The following TMEM273 variants were observed in gnomAD, a reference collection of about 807,000 sequenced individuals.
The protein encoded by TMEM273 is transmembrane protein 273.
In TMEM273, 19 loss-of-function variants were observed where a neutral mutation model predicts 17.9. That is an observed-to-expected ratio of 1.06 (90% confidence interval 0.74 to 1.55). The LOEUF (loss-of-function observed/expected upper bound fraction) is 1.55. TMEM273 is among the 40% of genes most tolerant of loss of function. The pLI, the probability that TMEM273 is intolerant of heterozygous loss-of-function variation, is 0.00. For synonymous variants in TMEM273, 66 were observed against 62.0 expected (o/e 1.07, Z -0.31); for missense variants, 194 against 155.6 (o/e 1.25, Z -1.31).
Position 49,155,873 on chromosome 10 carries a change from G to T in TMEM273, c.*19C>A. The T allele has an allele frequency of 1.2e-6, 2 of 1,614,128 alleles. No homozygotes were observed. Among genetic ancestry groups the T allele is most frequent in the Non-Finnish European group, 1.7e-6 (2 of 1,180,018 alleles). ...CCACGGGGCTAGAACCCCTCTTCAC[G>T]TCACTGCTCACCTACAGCTCAATCA... On this transcript the variant is annotated 3_prime_UTR_variant, in exon 7 of 7. Coordinates refer to ENST00000374153, the MANE Select transcript of TMEM273 (RefSeq NM_001288740.3).
intron 1 of TMEM273, among the ~76,000 whole-genome samples, chr10:49,181,870 G>A (rs867042139): frequency 1.1e-4 from 16 of 152,056 alleles, no homozygotes; most frequent in South Asian, 4.1e-4. Context: ...ATTTTTGTTC[G>A]TAAAAGACCC....
At chr10:49,157,961 C>G (rs575129227) in intron 6 of TMEM273, among the ~76,000 whole-genome samples, 1 of 152,100 alleles carries the variant, frequency 6.6e-6, no homozygotes, top group African/African-American at 2.4e-5. Flanking sequence ...AGAATAAAAG[C>G]ATTCAACAAG....
chr10:49,163,795 C>T (rs1421037046), intron 5 of TMEM273, among the ~76,000 whole-genome samples: 2 of 152,204 alleles, frequency 1.3e-5, no homozygotes, highest in South Asian at 2.1e-4. Flanking sequence ...AATCAGAAAC[C>T]ACTGCTGAAA....
At chr10:49,168,442 C>G (rs375847210) in intron 1 of TMEM273, among the ~76,000 whole-genome samples, 2 of 152,128 alleles carry the variant, frequency 1.3e-5, no homozygotes, top group Non-Finnish European at 2.9e-5. Context: ...CAGTGTGCTC[C>G]GTAGCCGTGG....
chr10:49,154,900 CTT>C lies in TMEM273; in HGVS notation c.*990_*991del, dbSNP rs1564613715. 6.6e-6 allele frequency: 1 copy of C among 152,228 alleles called. No homozygotes were observed. Among genetic ancestry groups the C allele is most frequent in the South Asian group, 2.1e-4 (1 of 4,836 alleles). The allele number at this position is 152,228 out of a possible 1,614,324, so 9.4% of individuals were successfully genotyped here. A position where few individuals can be genotyped will look rare whatever the true frequency, so the allele number is the denominator to read the frequency against. ...CCAGGCAAATCATGACAACACAGCA[CTT>C]TGTTCTGAAATATAGCTCATCTTTC... On this transcript the variant is annotated 3_prime_UTR_variant, in exon 7 of 7. Transcript: ENST00000374153.
chr10:49,178,143 C>T (rs1168981069), intron 1 of TMEM273: 4 of 456,542 alleles, frequency 8.8e-6, no homozygotes, highest in African/African-American at 2.0e-5. Flanking sequence ...GCCCAATGTC[C>T]TCCCAGGGCT....
At chr10:49,165,822 G>A in intron 3 of TMEM273, 26 bp from the exon 4 acceptor site, 1 of 1,614,106 alleles carries the variant, frequency 6.2e-7, no homozygotes, top group Non-Finnish European at 8.5e-7. Context: ...CGGGCATTAG[G>A]AAGGGGGTCG....
At chr10:49,176,751 C>T (rs933866744) in intron 1 of TMEM273, among the ~76,000 whole-genome samples, 2 of 152,136 alleles carry the variant, frequency 1.3e-5, no homozygotes, top group African/African-American at 4.8e-5. Flanking sequence ...AACGGCAGCA[C>T]ACAGCCTGCA....
At chr10:49,165,091 C>G (rs886641302) in intron 5 of TMEM273, 114 bp downstream of exon 5, 2 of 1,395,556 alleles carry the variant, frequency 1.4e-6, no homozygotes, top group East Asian at 2.5e-5. Flanking sequence ...AAAACCCATG[C>G]AAAATAGACA....
intron 1 of TMEM273, among the ~76,000 whole-genome samples, chr10:49,176,711 A>G (rs1258624072): frequency 6.6e-6 from 1 of 152,136 alleles, no homozygotes; most frequent in Non-Finnish European, 1.5e-5. Flanking sequence ...GTCCTGGACC[A>G]TGGGAAAGGG....
intron 6 of TMEM273, chr10:49,156,226 G>A: frequency 7.2e-7 from 1 of 1,389,334 alleles, no homozygotes; most frequent in Non-Finnish European, 9.6e-7. Context: ...TTCACTTTCT[G>A]TAGTTGGTGA....
At chr10:49,175,993 A>ATGG (rs1846935265) in intron 1 of TMEM273, among the ~76,000 whole-genome samples, 1 of 152,130 alleles carries the variant, frequency 6.6e-6, no homozygotes, top group Non-Finnish European at 1.5e-5. Context: ...CATGACTCCC[A>ATGG]TGGTGGGTGG....
chr10:49,180,639 C>T (rs1050987710), intron 1 of TMEM273, among the ~76,000 whole-genome samples: 2 of 151,858 alleles, frequency 1.3e-5, no homozygotes, highest in Admixed American at 1.3e-4. Flanking sequence ...AGAACCAGGA[C>T]AATCTCTATT....
At chr10:49,171,103 C>T (rs1229922918) in intron 1 of TMEM273, among the ~76,000 whole-genome samples, 1 of 152,218 alleles carries the variant, frequency 6.6e-6, no homozygotes, top group Non-Finnish European at 1.5e-5. Context: ...AGATCTCATG[C>T]AAGAAGGAGG....
chr10:49,161,701 G>C, intron 5 of TMEM273, 79 bp from the exon 6 acceptor site: 1 of 1,570,500 alleles, frequency 6.4e-7, no homozygotes, highest in South Asian at 1.1e-5. Context: ...CTGCAAGAGA[G>C]TGGCTTGCTT....
At position 49,167,982 on chromosome 10, in the gene TMEM273, A is replaced by G. The variant is rs1343730065; in HGVS notation, c.44-20T>C. 8 of 1,613,840 alleles carry G rather than the reference A, an allele frequency of 5.0e-6. No individual in the cohort carries two copies. The highest frequency in any genetic ancestry group is 6.8e-6 in the Non-Finnish European group (8 of 1,179,972). On this transcript the variant is annotated intron_variant, in intron 1 of 6. Coordinates refer to ENST00000374153, the MANE Select transcript of TMEM273 (RefSeq NM_001288740.3). Reference sequence around the variant, plus strand: ...CTACATCTGCAAAGAAAGAAACCCCAGAGCCTGGTTAGAACAGAGCTGGCT... The same window carrying G: ...CTACATCTGCAAAGAAAGAAACCCCGGAGCCTGGTTAGAACAGAGCTGGCT...
intron 1 of TMEM273, among the ~76,000 whole-genome samples, chr10:49,177,686 A>T (rs1001076540): frequency 2.0e-5 from 3 of 152,216 alleles, no homozygotes; most frequent in African/African-American, 7.2e-5. Context: ...TTAATGTGTC[A>T]CATGTGACTC....
intron 1 of TMEM273, among the ~76,000 whole-genome samples, 154 bp downstream of exon 1, chr10:49,188,140 A>G (rs1847836311): frequency 6.6e-6 from 1 of 152,248 alleles, no homozygotes; most frequent in Non-Finnish European, 1.5e-5. Context: ...GACAAACAAG[A>G]TCATTGCTCA....
At chr10:49,156,273 G>T (rs1231247867) in intron 6 of TMEM273, 1 of 1,333,928 alleles carries the variant, frequency 7.5e-7, no homozygotes, top group African/African-American at 1.5e-5. Context: ...CGAGGAACAA[G>T]ATAGATAGAC....
Sources: allele counts gnomAD v4.1 joint callset (sites outside exome capture counted in the v4.1 genomes callset), GRCh38; gene constraint gnomAD v4.1.1; transcripts MANE v1.5; gene names NCBI Gene and HGNC (gene_info 2026-07-23, HGNC 2026-07-21).